Variants in PCNX2 observed in about 807,000 individuals in gnomAD.
The protein encoded by PCNX2 is pecanex-like protein 2.
A neutral mutation model predicts 223.8 loss-of-function variants in PCNX2; 168 were observed. The observed-to-expected ratio is 0.75, with a 90% confidence interval of 0.66 to 0.85. The LOEUF (loss-of-function observed/expected upper bound fraction) is 0.85, where lower values mean the gene tolerates loss of function less well. PCNX2 is among the 40% of genes least tolerant of loss of function. The probability of loss-of-function intolerance (pLI) is 0.00; values close to 1 mark genes in which losing one functional copy is unlikely to be tolerated. For missense variants in PCNX2, 2,507 were observed against 2,675.5 expected, an observed-to-expected ratio of 0.94 and a Z score of 1.39; for synonymous variants, 1,006 against 1,052.6, an observed-to-expected ratio of 0.96 and a Z score of 0.86.
At chr1:233,011,800 A>T (rs1053556284) in intron 28 of PCNX2, among the ~76,000 whole-genome samples, 1 of 152,158 alleles carries the variant, frequency 6.6e-6, no homozygotes, top group South Asian at 2.1e-4. Context: ...ACCTGGCCCT[A>T]TGCATCTCTT....
intron 23 of PCNX2, among the ~76,000 whole-genome samples, chr1:233,071,307 C>A (rs1335550761): frequency 6.6e-6 from 1 of 152,132 alleles, no homozygotes; most frequent in Non-Finnish European, 1.5e-5. Context: ...CTGATCCTCT[C>A]CCTCTTCTTA....
chr1:233,055,156 A>T (rs1311954566), intron 24 of PCNX2, among the ~76,000 whole-genome samples: 1 of 151,874 alleles, frequency 6.6e-6, no homozygotes, highest in Non-Finnish European at 1.5e-5. Context: ...TGTGAATATG[A>T]CTCTCCCCAT....
intron 8 of PCNX2, among the ~76,000 whole-genome samples, chr1:233,240,370 T>A (rs984051724): frequency 2.6e-5 from 4 of 152,184 alleles, no homozygotes; most frequent in African/African-American, 7.2e-5. Flanking sequence ...GTGAGCAGCA[T>A]AATCATCTAA....
At chr1:233,211,975 T>C in intron 12 of PCNX2, 1 of 173,428 alleles carries the variant, frequency 5.8e-6, no homozygotes, top group Non-Finnish European at 1.1e-5. Context: ...CCTGTGACAT[T>C]ATGGTCACGT....
chr1:233,295,234 A>G lies in PCNX2; in HGVS notation c.153+92T>C. On this transcript the variant is annotated intron_variant, in intron 1 of 33. Coordinates refer to ENST00000258229, the MANE Select transcript of PCNX2 (RefSeq NM_014801.4). This position sits in a 1 kb window ranked among gnomAD's most constrained non-coding sequence, Gnocchi z 4.1. ...TCTCTTAAGAATCTCTACGAACCCG[A>G]AAGCCCGTGAGGCTGATGGCACGTC... 1 of 1,524,078 alleles carries G rather than the reference A, an allele frequency of 6.6e-7. No individual in the cohort carries two copies. Among genetic ancestry groups the G allele is most frequent in the Non-Finnish European group, 8.9e-7 (1 of 1,124,806 alleles). The allele number at this position is 1,524,078 out of a possible 1,614,324, so 94.4% of individuals were successfully genotyped here.
At chr1:233,020,350 A>G (rs1487562269) in intron 26 of PCNX2, among the ~76,000 whole-genome samples, 4 of 152,262 alleles carry the variant, frequency 2.6e-5, no homozygotes, top group African/African-American at 7.2e-5. Flanking sequence ...GACACAGTCA[A>G]TGAACACTGT....
At chr1:233,095,710 A>G (rs772024565) in intron 22 of PCNX2, 45 bp downstream of exon 22, 53 of 1,474,752 alleles carry the variant, frequency 3.6e-5, no homozygotes, top group Admixed American at 3.4e-4. Context: ...CTTCCGTAAA[A>G]TGTGAATCTC....
At chr1:233,037,445 C>T (rs1671494002) in intron 25 of PCNX2, among the ~76,000 whole-genome samples, 1 of 152,184 alleles carries the variant, frequency 6.6e-6, no homozygotes, top group Admixed American at 6.5e-5. Flanking sequence ...ATTCTCCCAC[C>T]TCAGCCTCTG....
chr1:233,131,589 C>T (rs960584754), intron 21 of PCNX2, among the ~76,000 whole-genome samples: 1 of 152,198 alleles, frequency 6.6e-6, no homozygotes, highest in Non-Finnish European at 1.5e-5. Context: ...GATCTTGCTT[C>T]TCATTCCAGA....
In PCNX2 at chr1:233,139,569, G is replaced by C; in HGVS notation, c.3659+145C>G. The C allele has an allele frequency of 2.1e-6, 2 of 972,822 alleles. No homozygotes were observed. 60.3% of individuals were successfully genotyped at this position (972,822 alleles called of 1,614,324 possible). ...TAACTGTCTAGCTCCAGTGGGTTTT[G>C]AGTAAAAGACCACCATGGCTTATTT... On this transcript the variant is annotated intron_variant, in intron 20 of 33. Coordinates refer to ENST00000258229, the MANE Select transcript of PCNX2 (RefSeq NM_014801.4). This position sits in a 1 kb window ranked among gnomAD's most constrained non-coding sequence, Gnocchi z 4.4.
At chr1:232,986,045 G>A (rs12038915) in intron 33 of PCNX2, 47 bp downstream of exon 33, 349,434 of 1,545,526 alleles carry the variant, frequency 0.23, 40,682 homozygotes, top group African/African-American at 0.24. Flanking sequence ...CCAGGAGCCC[G>A]TGCCACCATC....
intron 21 of PCNX2, among the ~76,000 whole-genome samples, chr1:233,114,014 A>C (rs1675268173): frequency 6.6e-6 from 1 of 152,258 alleles, no homozygotes; most frequent in African/African-American, 2.4e-5. Flanking sequence ...AGTAACCAAA[A>C]GAGACAAAGA....
At chr1:233,070,089 T>C (rs1672786998) in intron 23 of PCNX2, among the ~76,000 whole-genome samples, 2 of 152,110 alleles carry the variant, frequency 1.3e-5, no homozygotes, top group South Asian at 4.1e-4. Flanking sequence ...TAATTTTACA[T>C]GCATGAATTT....
At chr1:233,291,682 A>C in intron 1 of PCNX2, 3 of 984,128 alleles carry the variant, frequency 3.0e-6, no homozygotes, top group Non-Finnish European at 3.6e-6. Flanking sequence ...CTCAGGACTT[A>C]CACAGGCCAG....
chr1:233,019,401 T>C (rs946515979), intron 26 of PCNX2, among the ~76,000 whole-genome samples: 33 of 152,066 alleles, frequency 2.2e-4, no homozygotes, highest in Admixed American at 5.2e-4. Context: ...GGAAAGCCCT[T>C]CGATATAAGG....
chr1:233,172,759 T>C (rs1401803492), intron 17 of PCNX2, among the ~76,000 whole-genome samples: 1 of 152,260 alleles, frequency 6.6e-6, no homozygotes, highest in Non-Finnish European at 1.5e-5. Context: ...CTTATTATTT[T>C]GTCAGGTTTT....
At chr1:233,157,182 G>A (rs1678185638) in intron 19 of PCNX2, among the ~76,000 whole-genome samples, 2 of 152,126 alleles carry the variant, frequency 1.3e-5, no homozygotes, top group African/African-American at 4.8e-5. Flanking sequence ...CTTCTGGGTA[G>A]TGATGATTGC....
intron 13 of PCNX2, among the ~76,000 whole-genome samples, chr1:233,203,790 T>G (rs1681276344): frequency 6.6e-6 from 1 of 152,130 alleles, no homozygotes; most frequent in Non-Finnish European, 1.5e-5. Context: ...CACCTCCTCC[T>G]GCTCTGACAG....
rs1008258739 is a variant in PCNX2 at position 233,080,750 on chromosome 1, T to C, written c.4076+9311A>G. On this transcript the variant is annotated intron_variant, in intron 23 of 33. Transcript: ENST00000258229. Reference sequence around the variant, plus strand: ...GCCCCACCTCCTAATACCATCGCACTGTGGGTCAGCATTTCAACCTATGAA... The same window carrying C: ...GCCCCACCTCCTAATACCATCGCACCGTGGGTCAGCATTTCAACCTATGAA... Among the ~76,000 whole-genome samples, 7 of 152,134 alleles carry C rather than the reference T, an allele frequency of 4.6e-5. No individual in the cohort carries two copies. The East Asian group carries it at 1.4e-3, about 29-fold the overall frequency.
Sources: allele counts gnomAD v4.1 joint callset (sites outside exome capture counted in the v4.1 genomes callset), GRCh38; gene constraint gnomAD v4.1.1; non-coding constraint Gnocchi (gnomAD v3.1); transcripts MANE v1.5; gene names NCBI Gene and HGNC (gene_info 2026-07-23, HGNC 2026-07-21).